The following CCDC192 variants were observed in gnomAD, a reference collection of about 807,000 sequenced individuals.
CCDC192 encodes coiled-coil domain containing 192.
intron 5 of CCDC192, among the ~76,000 whole-genome samples, chr5:127,848,732 C>T (rs1420412366): frequency 6.6e-6 from 1 of 152,170 alleles, no homozygotes; most frequent in East Asian, 1.9e-4. Context: ...AGAATAGTAT[C>T]TGGCATGCAG....
chr5:127,772,532 T>G (rs1019296355), intron 3 of CCDC192, among the ~76,000 whole-genome samples: 1 of 151,722 alleles, frequency 6.6e-6, no homozygotes. Flanking sequence ...CCTCTCTGTT[T>G]GTTGGTTGTG....
chr5:127,843,943 T>C (rs1750416463), intron 5 of CCDC192, among the ~76,000 whole-genome samples: 1 of 152,266 alleles, frequency 6.6e-6, no homozygotes, highest in Admixed American at 6.5e-5. Context: ...TTTAATCTTC[T>C]TTATATTAGC....
chr5:127,896,604 G>C (rs949114247), intron 6 of CCDC192, among the ~76,000 whole-genome samples: 1 of 151,708 alleles, frequency 6.6e-6, no homozygotes, highest in African/African-American at 2.4e-5. Flanking sequence ...TGGCTAATTT[G>C]TTTTTTGTTT....
At chr5:127,762,545 A>G (rs1433903973) in intron 3 of CCDC192, among the ~76,000 whole-genome samples, 1 of 152,330 alleles carries the variant, frequency 6.6e-6, no homozygotes, top group African/African-American at 2.4e-5. Flanking sequence ...GTCAAACACA[A>G]TGACAAATCG....
chr5:127,918,951 A>G (rs13153762), intron 6 of CCDC192, among the ~76,000 whole-genome samples: 13,796 of 143,746 alleles, frequency 0.096, 2,063 homozygotes, highest in African/African-American at 0.34. Flanking sequence ...ATATATGTGT[A>G]TATATGTGTG....
At chr5:127,722,941 G>A (rs116116805) in intron 2 of CCDC192, among the ~76,000 whole-genome samples, 4,775 of 152,048 alleles carry the variant, frequency 0.031, 245 homozygotes, top group African/African-American at 0.11. Flanking sequence ...GCTATTCTAG[G>A]TCTTTTATGG....
intron 6 of CCDC192, among the ~76,000 whole-genome samples, chr5:127,878,682 G>A (rs1367067233): frequency 3.9e-5 from 6 of 152,094 alleles, no homozygotes; most frequent in South Asian, 4.1e-4. Context: ...TTGCCTTGGC[G>A]ATGCGGGCTC....
intron 3 of CCDC192, among the ~76,000 whole-genome samples, chr5:127,792,806 AGAAGAG>A (rs1358365756): frequency 1.6e-5 from 2 of 122,110 alleles, no homozygotes; most frequent in African/African-American, 7.0e-5. Flanking sequence ...AAGGAGGAGG[AGAAGAG>A]GAAGAAGAAG....
chr5:127,900,440 C>T (rs187776470), intron 6 of CCDC192, among the ~76,000 whole-genome samples: 233 of 152,182 alleles, frequency 1.5e-3, no homozygotes, highest in Admixed American at 2.5e-3. Flanking sequence ...GTTCACATTC[C>T]GAAAAACATG....
intron 2 of CCDC192, among the ~76,000 whole-genome samples, chr5:127,753,695 A>G (rs1754389267): frequency 6.6e-6 from 1 of 152,036 alleles, no homozygotes; most frequent in South Asian, 2.1e-4. Flanking sequence ...CTGGAAAAAA[A>G]AAAAAAAAAA....
chr5:127,714,623 G>A (rs916888541), intron 2 of CCDC192, among the ~76,000 whole-genome samples: 3 of 152,172 alleles, frequency 2.0e-5, no homozygotes, highest in Non-Finnish European at 4.4e-5. Flanking sequence ...ATCTGCCTTG[G>A]CTTCCCAAAT....
intron 2 of CCDC192, among the ~76,000 whole-genome samples, chr5:127,719,556 TATACAC>T (rs1751876250): frequency 5.6e-5 from 1 of 17,712 alleles, no homozygotes; most frequent in African/African-American, 1.3e-4. Flanking sequence ...TATATATATA[TATACAC>T]ACATACATAT....
chr5:127,883,689 C>T (rs1050373176), intron 6 of CCDC192, among the ~76,000 whole-genome samples: 2 of 152,232 alleles, frequency 1.3e-5, no homozygotes, highest in Non-Finnish European at 1.5e-5. Context: ...GGAAATGTTA[C>T]TTCTTCCAGC....
chr5:127,854,226 A>T (rs1750951546), intron 5 of CCDC192, among the ~76,000 whole-genome samples: 1 of 151,696 alleles, frequency 6.6e-6, no homozygotes, highest in South Asian at 2.1e-4. Flanking sequence ...AATCCTACAC[A>T]TTTTTTCTCT....
chr5:127,703,333 G>A (rs894636275), upstream of CCDC192: 15 of 397,658 alleles, frequency 3.8e-5, no homozygotes, highest in Admixed American at 4.4e-5. Context: ...ATCCATTGTG[G>A]TAGCCTAGCA....
intron 3 of CCDC192, among the ~76,000 whole-genome samples, chr5:127,759,645 T>C (rs1380879515): frequency 1.3e-5 from 2 of 152,214 alleles, no homozygotes; most frequent in East Asian, 3.8e-4. Flanking sequence ...CTCAAAAACA[T>C]CTGTTTATTT....
rs555808071 is a variant in CCDC192 at position 127,907,347 on chromosome 5, A to G, written c.535+31686A>G. Reference sequence around the variant, plus strand: ...AAACTGAAATGTTTTATTTTACCTAATTTAAAACTTCAGATTTGGGTTATA... The same window carrying G: ...AAACTGAAATGTTTTATTTTACCTAGTTTAAAACTTCAGATTTGGGTTATA... On this transcript the variant is annotated intron_variant, in intron 6 of 6. Transcript: ENST00000514853. 2.6e-5 allele frequency among the ~76,000 whole-genome samples: 4 copies of G among 152,264 alleles called. No homozygotes were observed. The South Asian group carries it at 8.3e-4, about 32-fold the overall frequency.
chr5:127,845,558 A>AAAAC (rs935422906), intron 5 of CCDC192, among the ~76,000 whole-genome samples: 5 of 152,190 alleles, frequency 3.3e-5, no homozygotes, highest in African/African-American at 9.6e-5. Context: ...GCTCAGAGGA[A>AAAAC]AAACAAACAA....
chr5:127,857,797 A>G (rs573317533), intron 5 of CCDC192: 43 of 152,294 alleles, frequency 2.8e-4, no homozygotes, highest in African/African-American at 1.0e-3. Flanking sequence ...AGAAATCTTC[A>G]GTCTTTGCTT....
Sources: gnomAD v4.1 joint callset for allele counts (sites outside exome capture counted in the v4.1 genomes callset) on GRCh38, gnomAD v4.1.1 for gene constraint, MANE v1.5 for transcripts, NCBI Gene and HGNC (gene_info 2026-07-23, HGNC 2026-07-21) for gene names.